Variants in CXXC5 observed in about 807,000 individuals in gnomAD.
CXXC5 encodes CXXC-type zinc finger protein 5.
Under a neutral mutation model 17.6 loss-of-function variants are expected in CXXC5, and 2 were observed. That is an observed-to-expected ratio of 0.11 (90% CI 0.05 to 0.36). The LOEUF is 0.36. Ranked by LOEUF, CXXC5 falls within the 10% of genes least tolerant of loss-of-function variation. The pLI is 1.00. For missense variants in CXXC5, 343 were observed against 458.3 expected (o/e 0.75, Z 2.30); for synonymous variants, 171 against 193.0 (o/e 0.89, Z 0.94).
intron 1 of CXXC5, among the ~76,000 whole-genome samples, chr5:139,673,127 C>T (rs1009837769): frequency 8.5e-5 from 13 of 152,122 alleles, no homozygotes; most frequent in African/African-American, 2.9e-4. Context: ...ATAGACAAGG[C>T]GTCATTACAC....
Position 139,663,264 on chromosome 5 carries a change from C to A in CXXC5, c.-161+14419C>A, listed in dbSNP as rs574421922. ...TCAAGGCTTTCTCTGTCTCCCACCC[C>A]CTATGCTCACACAGCAAGGCTATAT... On this transcript the variant is annotated intron_variant, in intron 1 of 2. Transcript: ENST00000302517. The surrounding 1 kb of genome is among the most constrained non-coding windows in gnomAD (Gnocchi z 4.2). Among the ~76,000 whole-genome samples, 6 of 152,286 alleles carry A rather than the reference C, an allele frequency of 3.9e-5. No homozygotes were observed. Among genetic ancestry groups the A allele is most frequent in the Non-Finnish European group, 8.8e-5 (6 of 68,026 alleles).
chr5:139,674,097 T>C (rs1241760158), intron 1 of CXXC5, among the ~76,000 whole-genome samples: 2 of 152,076 alleles, frequency 1.3e-5, no homozygotes, highest in Non-Finnish European at 2.9e-5. Flanking sequence ...GTGGCCAGTG[T>C]GTGGGGGTAT....
chr5:139,676,113 C>G (rs1448762597), intron 1 of CXXC5, among the ~76,000 whole-genome samples: 1 of 150,908 alleles, frequency 6.6e-6, no homozygotes, highest in Non-Finnish European at 1.5e-5. Flanking sequence ...CCACCTCCTC[C>G]TCGGTACTCC....
intron 1 of CXXC5, among the ~76,000 whole-genome samples, chr5:139,665,974 C>T (rs1756088724): frequency 6.6e-6 from 1 of 152,230 alleles, no homozygotes; most frequent in African/African-American, 2.4e-5. Context: ...GTCTCAAGTG[C>T]CCCCAACCAA....
chr5:139,658,211 T>C lies in CXXC5; in HGVS notation c.-161+9366T>C, dbSNP rs1699488630. Among the ~76,000 whole-genome samples the C allele has an allele frequency of 6.6e-6, 1 of 152,076 alleles. No homozygotes were observed. Among genetic ancestry groups the C allele is most frequent in the Non-Finnish European group, 1.5e-5 (1 of 68,010 alleles). ...CTGGCCCCCTTTCTTCCTGGGGCGG[T>C]CAGATCTTGGTGGCCTAGAATTTCT... is the stretch of plus-strand genomic sequence containing the variant. On this transcript the variant is annotated intron_variant, in intron 1 of 2. Coordinates refer to ENST00000302517, the MANE Select transcript of CXXC5 (RefSeq NM_016463.9). The surrounding 1 kb of genome is among the most constrained non-coding windows in gnomAD (Gnocchi z 4.1).
At chr5:139,669,465 C>T (rs183136445) in intron 1 of CXXC5, among the ~76,000 whole-genome samples, 7 of 151,886 alleles carry the variant, frequency 4.6e-5, no homozygotes, top group Admixed American at 1.3e-4. Context: ...GGCGCCCCTC[C>T]GCCATCTGCA....
intron 1 of CXXC5, among the ~76,000 whole-genome samples, chr5:139,660,664 C>T (rs1211480167): frequency 2.0e-5 from 3 of 151,842 alleles, no homozygotes; most frequent in African/African-American, 7.3e-5. Flanking sequence ...ACAGTGGGCT[C>T]CTCAGCCTTC....
chr5:139,650,802 G>A (rs943637369), intron 1 of CXXC5, among the ~76,000 whole-genome samples: 1 of 152,126 alleles, frequency 6.6e-6, no homozygotes, highest in African/African-American at 2.4e-5. Flanking sequence ...TCTGAGAGCC[G>A]TGCGGGGAAA....
chr5:139,681,358 AGCAGTTGTAGGAATCGAAAGACTG>A lies in CXXC5; in HGVS notation c.838_861del (p.Ser280_Gly287del). Reference sequence around the variant, plus strand: ...GCGGCGCATCAACTGCGAGCAGTGCAGCAGTTGTAGGAATCGAAAGACTGGCCATCAGATTTGCAAATTCAGAAA... The same window carrying A: ...GCGGCGCATCAACTGCGAGCAGTGCAGCCATCAGATTTGCAAATTCAGAAA... On this transcript the variant is annotated inframe_deletion, in exon 2 of 3. Transcript: ENST00000302517. The A allele has an allele frequency of 6.2e-7, 1 of 1,604,678 alleles. No individual in the cohort carries two copies. The highest frequency in any genetic ancestry group is 8.5e-7 in the Non-Finnish European group (1 of 1,174,600).
Position 139,678,725 on chromosome 5 carries a change from T to C in CXXC5, c.-160-1639T>C, listed in dbSNP as rs3756679. Among the ~76,000 whole-genome samples the C allele has an allele frequency of 3.8e-4, 58 of 151,884 alleles. 1 individual carries two copies. In the East Asian group the frequency reaches 0.011, roughly 29 times the overall value. On this transcript the variant is annotated intron_variant, in intron 1 of 2. Coordinates refer to ENST00000302517, the MANE Select transcript of CXXC5 (RefSeq NM_016463.9). ...TTGGGACAGGCTTGAGTCCTGTGAC[T>C]AGGGGGGTTTTGGGGTTGCCTGGGG...
intron 1 of CXXC5, among the ~76,000 whole-genome samples, chr5:139,665,143 C>A (rs556337537): frequency 6.6e-6 from 1 of 152,240 alleles, no homozygotes. Flanking sequence ...GCCTGCTGGG[C>A]GGGCAGGGGG....
Position 139,661,893 on chromosome 5 carries a change from G to A in CXXC5, c.-161+13048G>A, listed in dbSNP as rs1755838011. Among the ~76,000 whole-genome samples the A allele has an allele frequency of 1.3e-5, 2 of 152,244 alleles. No homozygotes were observed. Among genetic ancestry groups the A allele is most frequent in the South Asian group, 2.1e-4 (1 of 4,830 alleles). On this transcript the variant is annotated intron_variant, in intron 1 of 2. Coordinates refer to ENST00000302517, the MANE Select transcript of CXXC5 (RefSeq NM_016463.9). The surrounding 1 kb of genome is among the most constrained non-coding windows in gnomAD (Gnocchi z 4.7). Reference sequence around the variant, plus strand: ...GAGGAGGTCCAAGTATCAGGCATGAGAGTGTTAAACCCACTGCCCTCTAGT... The same window carrying A: ...GAGGAGGTCCAAGTATCAGGCATGAAAGTGTTAAACCCACTGCCCTCTAGT...
In CXXC5 at chr5:139,668,482, G is replaced by A. The variant is rs1756252064; in HGVS notation, c.-160-11882G>A. On this transcript the variant is annotated intron_variant, in intron 1 of 2. Coordinates refer to ENST00000302517, the MANE Select transcript of CXXC5 (RefSeq NM_016463.9). This position sits in a 1 kb window ranked among gnomAD's most constrained non-coding sequence, Gnocchi z 4.1. ...CTACCTCCCGCGCCGCCCACTGCCC[G>A]CTCCAGGCCCGCTGCCCGCTCCAGG... Among the ~76,000 whole-genome samples, 3 of 151,358 alleles carry A rather than the reference G, an allele frequency of 2.0e-5. No homozygotes were observed. Among genetic ancestry groups the A allele is most frequent in the Non-Finnish European group, 3.0e-5 (2 of 67,652 alleles).
At chr5:139,650,741 A>G (rs1194333053) in intron 1 of CXXC5, among the ~76,000 whole-genome samples, 9 of 151,934 alleles carry the variant, frequency 5.9e-5, no homozygotes, top group East Asian at 1.9e-4. Context: ...TTGGTTTCCA[A>G]CCGCCACTAG....
chr5:139,679,330 G>T (rs905505607), intron 1 of CXXC5, among the ~76,000 whole-genome samples: 1 of 152,252 alleles, frequency 6.6e-6, no homozygotes, highest in Non-Finnish European at 1.5e-5. Flanking sequence ...GTGGTTCGGG[G>T]GTTGAGAAGG....
chr5:139,674,520 C>T (rs560709623), intron 1 of CXXC5, among the ~76,000 whole-genome samples: 9 of 152,334 alleles, frequency 5.9e-5, no homozygotes, highest in Non-Finnish European at 1.0e-4. Context: ...TTCCACGAGC[C>T]TCCCTGGGCA....
intron 1 of CXXC5, among the ~76,000 whole-genome samples, chr5:139,678,032 G>A (rs917918427): frequency 5.9e-5 from 9 of 152,246 alleles, no homozygotes; most frequent in African/African-American, 1.9e-4. Flanking sequence ...CGCACACAGG[G>A]GCTGGGGCGC....
chr5:139,661,393 G>A lies in CXXC5; in HGVS notation c.-161+12548G>A, dbSNP rs189584821. Among the ~76,000 whole-genome samples, 1 of 151,486 alleles carries A rather than the reference G, an allele frequency of 6.6e-6. No individual in the cohort carries two copies. The highest frequency in any genetic ancestry group is 2.4e-5 in the African/African-American group (1 of 41,542). On this transcript the variant is annotated intron_variant, in intron 1 of 2. Transcript: ENST00000302517. The surrounding 1 kb of genome is among the most constrained non-coding windows in gnomAD (Gnocchi z 4.7). ...ACAGACACAGTCACTTGCAGCACAC[G>A]TAGTTCCACACGACTCAGCACACCC...
chr5:139,675,249 A>T (rs1396776541), intron 1 of CXXC5, among the ~76,000 whole-genome samples: 2 of 152,124 alleles, frequency 1.3e-5, no homozygotes, highest in East Asian at 3.8e-4. Flanking sequence ...ACCTGTGTAC[A>T]TGTCTGTGTG....
Sources: allele counts gnomAD v4.1 joint callset (sites outside exome capture counted in the v4.1 genomes callset), GRCh38; gene constraint gnomAD v4.1.1; non-coding constraint Gnocchi (gnomAD v3.1); transcripts MANE v1.5; gene names NCBI Gene and HGNC (gene_info 2026-07-23, HGNC 2026-07-21).